The following UBR3 variants were observed in gnomAD, a reference collection of about 807,000 sequenced individuals.
UBR3 encodes the protein ubiquitin protein ligase E3 component n-recognin 3.
Under a neutral mutation model 243.2 loss-of-function variants are expected in UBR3, and 85 were observed. The ratio of observed to expected loss-of-function variants is 0.35; its 90% confidence interval spans 0.29 to 0.42. The LOEUF (loss-of-function observed/expected upper bound fraction) is 0.42. Ranked by LOEUF, UBR3 falls within the 10% of genes least tolerant of loss-of-function variation. The probability of loss-of-function intolerance (pLI) is 1.00; values close to 1 mark genes in which losing one functional copy is unlikely to be tolerated. For missense variants in UBR3, 1,686 were observed against 2,300.8 expected, an observed-to-expected ratio of 0.73 and a Z score of 5.47; for synonymous variants, 748 against 799.8, an observed-to-expected ratio of 0.94 and a Z score of 1.09.
intron 1 of UBR3, among the ~76,000 whole-genome samples, chr2:169,847,986 T>C (rs2105290567): frequency 6.6e-6 from 1 of 152,370 alleles, no homozygotes; most frequent in South Asian, 2.1e-4. Context: ...CTATAAGCTA[T>C]AGCAGCATTG....
chr2:169,993,770 G>T (rs898206245), intron 25 of UBR3, among the ~76,000 whole-genome samples: 1 of 152,102 alleles, frequency 6.6e-6, no homozygotes, highest in South Asian at 2.1e-4. Context: ...CCTTGCCTGG[G>T]TCAGTGAACG....
chr2:169,864,141 G>T (rs1286553363), intron 1 of UBR3, among the ~76,000 whole-genome samples: 2 of 152,058 alleles, frequency 1.3e-5, no homozygotes, highest in Admixed American at 6.6e-5. Context: ...CTGCGTACAG[G>T]TTCAAGTGAT....
intron 32 of UBR3, among the ~76,000 whole-genome samples, chr2:170,044,727 G>A (rs984338705): frequency 2.6e-5 from 4 of 152,064 alleles, no homozygotes; most frequent in East Asian, 1.9e-4. Flanking sequence ...TAGGCAGGCC[G>A]GACACTTCTA....
intron 24 of UBR3, among the ~76,000 whole-genome samples, chr2:169,969,329 A>G (rs1338921573): frequency 6.6e-6 from 1 of 152,194 alleles, no homozygotes. Context: ...TTGAGGTATT[A>G]GAAAGTCTTT....
intron 30 of UBR3, among the ~76,000 whole-genome samples, chr2:170,025,815 G>T (rs569663609): frequency 7.9e-5 from 12 of 152,296 alleles, no homozygotes; most frequent in African/African-American, 2.6e-4. Flanking sequence ...GTTTGCATGG[G>T]TAGTGGTGTC....
At chr2:169,914,697 C>T (rs772659994) in intron 11 of UBR3, among the ~76,000 whole-genome samples, 8 of 152,150 alleles carry the variant, frequency 5.3e-5, no homozygotes, top group Non-Finnish European at 8.8e-5. Flanking sequence ...TTTTATTCCT[C>T]CTATGAAGTA....
intron 24 of UBR3, among the ~76,000 whole-genome samples, chr2:169,983,788 A>G (rs181674305): frequency 2.0e-5 from 3 of 152,308 alleles, no homozygotes; most frequent in East Asian, 3.9e-4. Context: ...TGTAAAACCA[A>G]ACAGATAAAT....
At chr2:169,905,961 T>A in intron 9 of UBR3, 70 bp from the exon 10 acceptor site, 1 of 1,499,800 alleles carries the variant, frequency 6.7e-7, no homozygotes, top group African/African-American at 1.4e-5. Flanking sequence ...GACTGGGAAA[T>A]GTACTTGATA....
At chr2:169,901,940 A>G (rs150618799) in intron 8 of UBR3, among the ~76,000 whole-genome samples, 3 of 152,330 alleles carry the variant, frequency 2.0e-5, no homozygotes, top group African/African-American at 7.2e-5. Flanking sequence ...CTGCATATCA[A>G]ACTACTTATT....
intron 19 of UBR3, among the ~76,000 whole-genome samples, chr2:169,935,736 A>G (rs1044848125): frequency 6.6e-6 from 1 of 152,162 alleles, no homozygotes; most frequent in African/African-American, 2.4e-5. Context: ...AGTCACTTAA[A>G]TAATTTTTTT....
intron 24 of UBR3, among the ~76,000 whole-genome samples, chr2:169,968,675 T>C (rs541149203): frequency 5.3e-5 from 8 of 152,282 alleles, no homozygotes; most frequent in Non-Finnish European, 7.4e-5. Context: ...CTCTTCAATA[T>C]ACTGATTTCT....
intron 28 of UBR3, among the ~76,000 whole-genome samples, chr2:170,008,433 G>C (rs1013211874): frequency 1.3e-5 from 2 of 152,088 alleles, no homozygotes; most frequent in South Asian, 2.1e-4. Context: ...AAACTTACGG[G>C]ACATTGATAT....
intron 32 of UBR3, 103 bp from the exon 33 acceptor site, chr2:170,055,357 C>G: frequency 7.1e-7 from 1 of 1,403,698 alleles, no homozygotes; most frequent in Non-Finnish European, 9.7e-7. Flanking sequence ...GTGTTGAAAA[C>G]AAAAACCAAT....
chr2:169,927,438 G>T (rs2085949809), intron 17 of UBR3, 33 bp downstream of exon 17: 2 of 1,426,040 alleles, frequency 1.4e-6, no homozygotes, highest in African/African-American at 2.9e-5. Context: ...TCTGTTAGTT[G>T]CAGGATCTAA....
In UBR3 at chr2:170,083,182, T is replaced by TATA. The variant is rs58433925; in HGVS notation, c.*1341_*1342insAAT. Reference sequence around the variant, plus strand: ...AAACTAAACAAATCTAATGATAAAATATGTCAGATCCATGTTCTAAAAAAT... The same window carrying TATA: ...AAACTAAACAAATCTAATGATAAAATATAATGTCAGATCCATGTTCTAAAAAAT... On this transcript the variant is annotated 3_prime_UTR_variant, in exon 39 of 39. Coordinates refer to ENST00000272793, the MANE Select transcript of UBR3 (RefSeq NM_172070.4). 0.5 allele frequency: 75,948 copies of TATA among 152,208 alleles called. 20,287 individuals are homozygous for TATA. The highest frequency in any genetic ancestry group is 0.62 in the Non-Finnish European group (41,757 of 67,894). The allele number at this position is 152,208 out of a possible 1,614,324, so 9.4% of individuals were successfully genotyped here.
intron 1 of UBR3, among the ~76,000 whole-genome samples, chr2:169,864,926 AAAAG>A (rs1169968093): frequency 2.0e-5 from 3 of 150,114 alleles, no homozygotes; most frequent in African/African-American, 4.9e-5. Context: ...AAAAAAAAAA[AAAAG>A]AAAGAATTAG....
intron 1 of UBR3, among the ~76,000 whole-genome samples, chr2:169,869,039 T>A (rs1176926692): frequency 6.6e-6 from 1 of 152,160 alleles, no homozygotes; most frequent in Admixed American, 6.5e-5. Context: ...ATTTAACGTG[T>A]TCATTTATCT....
In UBR3 at chr2:169,926,938, C is replaced by G; in HGVS notation, c.2305C>G (p.Leu769Val). 1 of 1,550,938 alleles carries G rather than the reference C, an allele frequency of 6.4e-7. No individual in the cohort carries two copies. The highest frequency in any genetic ancestry group is 8.7e-7 in the Non-Finnish European group (1 of 1,146,482). The change falls in exon 16 of 39, where the codon CTT becomes GTT. Residue 769 changes from leucine to valine, a missense_variant. Coordinates refer to ENST00000272793, the MANE Select transcript of UBR3 (RefSeq NM_172070.4). ...RSMLEGALTF[L>V]VILLSLRLHL... Reference sequence around the variant, plus strand: ...GATGTTAGAAGGCGCTCTTACATTTCTTGTGATTCTTTTGAGTCTTCGTTT... The same window carrying G: ...GATGTTAGAAGGCGCTCTTACATTTGTTGTGATTCTTTTGAGTCTTCGTTT...
intron 30 of UBR3, among the ~76,000 whole-genome samples, chr2:170,020,990 CTTTCAGAG>C (rs2090375555): frequency 6.6e-6 from 1 of 152,048 alleles, no homozygotes; most frequent in Non-Finnish European, 1.5e-5. Context: ...TGCTTGAACA[CTTTCAGAG>C]ATAAGGAGTA....
Sources: gnomAD v4.1 joint callset for allele counts (sites outside exome capture counted in the v4.1 genomes callset) on GRCh38, gnomAD v4.1.1 for gene constraint, MANE v1.5 for transcripts, NCBI Gene and HGNC (gene_info 2026-07-23, HGNC 2026-07-21) for gene names.